RIMBP2: variants seen among roughly 807,000 people sequenced by gnomAD.
RIMBP2 encodes the protein RIMS binding protein 2, also known as RIMS-binding protein 2.
RIMBP2 carries 48 observed loss-of-function variants against 118.6 expected under a neutral mutation model. That is an observed-to-expected ratio of 0.40 (90% CI 0.32 to 0.51). The LOEUF is 0.51. Among genes scored for constraint, RIMBP2 ranks in the 20% least tolerant of loss-of-function variants. The pLI is 0.41. For missense variants in RIMBP2, 1,551 were observed against 1,768.3 expected, an observed-to-expected ratio of 0.88 and a Z score of 2.20; for synonymous variants, 762 against 742.9, an observed-to-expected ratio of 1.03 and a Z score of -0.42.
At chr12:130,568,429 T>C (rs2057389641) in intron 2 of RIMBP2, among the ~76,000 whole-genome samples, 1 of 152,210 alleles carries the variant, frequency 6.6e-6, no homozygotes, top group South Asian at 2.1e-4. Context: ...CTCCTATGCA[T>C]GGACAGAGTT....
chr12:130,666,659 G>GAGAGAAAGAAGAA (rs2063925490), intron 1 of RIMBP2, among the ~76,000 whole-genome samples: 2 of 150,406 alleles, frequency 1.3e-5, no homozygotes, highest in African/African-American at 4.9e-5. Flanking sequence ...GGGAGGGAGG[G>GAGAGAAAGAAGAA]GAGGGATGGA....
chr12:130,404,952 A>AT lies in RIMBP2; in HGVS notation c.3765+1219dup, dbSNP rs1196128156. Reference sequence around the variant, plus strand: ...ATTCATTTTTTATTATTAAAAAATGATTTTTTTAAAGTAGGGAAAGTGCAG... The same window carrying AT: ...ATTCATTTTTTATTATTAAAAAATGATTTTTTTTAAAGTAGGGAAAGTGCAG... On this transcript the variant is annotated intron_variant, in intron 21 of 22. Coordinates refer to ENST00000690449, the MANE Select transcript of RIMBP2 (RefSeq NM_001393629.1). Among the ~76,000 whole-genome samples, 12 of 152,278 alleles carry AT rather than the reference A, an allele frequency of 7.9e-5. No individual in the cohort carries two copies. The East Asian group carries it at 1.4e-3, about 17-fold the overall frequency.
At chr12:130,713,640 C>T (rs1162405792) in intron 1 of RIMBP2, among the ~76,000 whole-genome samples, 3 of 152,208 alleles carry the variant, frequency 2.0e-5, no homozygotes, top group Non-Finnish European at 2.9e-5. Context: ...CAGCACCACG[C>T]GGATTCCAAA....
rs551726470 is a variant in RIMBP2 at position 130,589,493 on chromosome 12, G to A, written c.-217+38829C>T. Among the ~76,000 whole-genome samples, 145 of 152,268 alleles carry A rather than the reference G, an allele frequency of 9.5e-4. 2 individuals carry two copies. The highest frequency in any genetic ancestry group is 1.6e-3 in the Non-Finnish European group (111 of 68,018). ...CTTTGAAATCTTTGCTGGAGGATAG[G>A]GTCAGCCCCAGGACGAGATGAAGGC... On this transcript the variant is annotated intron_variant, in intron 2 of 22. Coordinates refer to ENST00000690449, the MANE Select transcript of RIMBP2 (RefSeq NM_001393629.1).
chr12:130,446,333 G>A lies in RIMBP2; in HGVS notation c.582-1064C>T, dbSNP rs897554782. On this transcript the variant is annotated intron_variant, in intron 9 of 22. Coordinates refer to ENST00000690449, the MANE Select transcript of RIMBP2 (RefSeq NM_001393629.1). This position sits in a 1 kb window ranked among gnomAD's most constrained non-coding sequence, Gnocchi z 4.1. Reference sequence around the variant, plus strand: ...CAACACTTTCATACACGTTTTATTCGATGGCCATTAAATGTTAGGAAAACA... The same window carrying A: ...CAACACTTTCATACACGTTTTATTCAATGGCCATTAAATGTTAGGAAAACA... 2.6e-5 allele frequency among the ~76,000 whole-genome samples: 4 copies of A among 152,140 alleles called. No individual in the cohort carries two copies. Among genetic ancestry groups the A allele is most frequent in the Admixed American group, 2.0e-4 (3 of 15,280 alleles).
chr12:130,668,733 T>C (rs1471053897), intron 1 of RIMBP2, among the ~76,000 whole-genome samples: 4 of 152,200 alleles, frequency 2.6e-5, no homozygotes, highest in Non-Finnish European at 5.9e-5. Flanking sequence ...TCCCCTGCCC[T>C]CAGGGTTAGC....
intron 1 of RIMBP2, among the ~76,000 whole-genome samples, chr12:130,706,716 G>A (rs886800139): frequency 4.6e-5 from 7 of 152,218 alleles, no homozygotes; most frequent in Admixed American, 4.6e-4. Flanking sequence ...GAGCTAGCTG[G>A]TGGGAAGAGT....
intron 7 of RIMBP2, among the ~76,000 whole-genome samples, chr12:130,452,123 T>C (rs2079055331): frequency 6.6e-6 from 1 of 152,188 alleles, no homozygotes; most frequent in Non-Finnish European, 1.5e-5. Flanking sequence ...GTGTGAAACA[T>C]GACGCGGCTG....
At chr12:130,547,664 C>T (rs150902711) in intron 2 of RIMBP2, among the ~76,000 whole-genome samples, 227 of 152,286 alleles carry the variant, frequency 1.5e-3, no homozygotes, top group Middle Eastern at 6.8e-3. Flanking sequence ...ACGTCAGCCC[C>T]GAAATGGGGA....
chr12:130,543,601 C>A (rs56125259), intron 2 of RIMBP2, among the ~76,000 whole-genome samples: 1 of 151,876 alleles, frequency 6.6e-6, no homozygotes, highest in African/African-American at 2.4e-5. Context: ...AGATGCCTCA[C>A]GAGGAATTGG....
At position 130,578,660 on chromosome 12, in the gene RIMBP2, G is replaced by A. The variant is rs1045791178; in HGVS notation, c.-217+49662C>T. ...CATTCCTTGACATTCAGCTCTCAGC[G>A]CAAATGCCCCCTTCTCAGAGACTTC... On this transcript the variant is annotated intron_variant, in intron 2 of 22. Coordinates refer to ENST00000690449, the MANE Select transcript of RIMBP2 (RefSeq NM_001393629.1). This position sits in a 1 kb window ranked among gnomAD's most constrained non-coding sequence, Gnocchi z 4.1. 8.5e-5 allele frequency among the ~76,000 whole-genome samples: 13 copies of A among 152,108 alleles called. No individual in the cohort carries two copies. The highest frequency in any genetic ancestry group is 3.2e-3 in the Middle Eastern group (1 of 316).
chr12:130,407,631 G>A (rs1365920684), intron 20 of RIMBP2, 95 bp downstream of exon 20: 3 of 958,244 alleles, frequency 3.1e-6, no homozygotes, highest in South Asian at 2.6e-5. Context: ...GAGAAGGAAT[G>A]AGGAGGTGAA....
intron 1 of RIMBP2, among the ~76,000 whole-genome samples, chr12:130,653,534 A>G (rs1446842841): frequency 6.6e-6 from 1 of 152,134 alleles, no homozygotes; most frequent in Non-Finnish European, 1.5e-5. Flanking sequence ...TGGATCTACC[A>G]TTCTGGGGCC....
rs180856882 is a variant in RIMBP2 at position 130,635,126 on chromosome 12, C to T, written c.-351-6670G>A. 8.5e-4 allele frequency among the ~76,000 whole-genome samples: 129 copies of T among 152,310 alleles called. 2 individuals are homozygous for T. In the Middle Eastern group the frequency reaches 0.024, roughly 28 times the overall value. ...TCCAGGGTTTCTTGAGAGTTAAGGA[C>T]ATGCCTTTCATCAGATTGCTTTGTT... On this transcript the variant is annotated intron_variant, in intron 1 of 22. Transcript: ENST00000690449.
chr12:130,558,158 A>C (rs906626082), intron 2 of RIMBP2, among the ~76,000 whole-genome samples: 3 of 152,118 alleles, frequency 2.0e-5, no homozygotes, highest in African/African-American at 7.2e-5. Context: ...ACAACAACAA[A>C]ATGCAATGGC....
At position 130,475,619 on chromosome 12, in the gene RIMBP2, G is replaced by A. The variant is rs904139601; in HGVS notation, c.102+3293C>T. ...AAGAGGCCAGGGGCTCCAGGCGGGC[G>A]TCTCCAAGGGGAAAATGGAATCAGA... On this transcript the variant is annotated intron_variant, in intron 5 of 22. Coordinates refer to ENST00000690449, the MANE Select transcript of RIMBP2 (RefSeq NM_001393629.1). This position sits in a 1 kb window ranked among gnomAD's most constrained non-coding sequence, Gnocchi z 4.1. 5.9e-5 allele frequency among the ~76,000 whole-genome samples: 9 copies of A among 152,058 alleles called. No individual in the cohort carries two copies. Among genetic ancestry groups the A allele is most frequent in the African/African-American group, 1.4e-4 (6 of 41,394 alleles).
At chr12:130,490,491 G>A (rs1056453580) in intron 4 of RIMBP2, among the ~76,000 whole-genome samples, 4 of 152,018 alleles carry the variant, frequency 2.6e-5, no homozygotes, top group Admixed American at 6.6e-5. Flanking sequence ...AGACAATCCC[G>A]GGCTGATAGC....
In RIMBP2 at chr12:130,434,701, A is replaced by G; in HGVS notation, c.2253+33T>C. ...GGCCCGCTCCGAGCCCGCGCCCACCAGGAGGATGGTGTGGGGCCCGGCCCG... is the reference window on the plus strand; with the variant it reads ...GGCCCGCTCCGAGCCCGCGCCCACCGGGAGGATGGTGTGGGGCCCGGCCCG... On this transcript the variant is annotated intron_variant, in intron 14 of 22. Coordinates refer to ENST00000690449, the MANE Select transcript of RIMBP2 (RefSeq NM_001393629.1). The surrounding 1 kb of genome is among the most constrained non-coding windows in gnomAD (Gnocchi z 5.7). The G allele has an allele frequency of 6.3e-7, 1 of 1,596,694 alleles. No individual in the cohort carries two copies. The highest frequency in any genetic ancestry group is 2.3e-5 in the East Asian group (1 of 44,414).
intron 4 of RIMBP2, among the ~76,000 whole-genome samples, chr12:130,495,873 T>C (rs1364412151): frequency 6.6e-6 from 1 of 152,208 alleles, no homozygotes; most frequent in Non-Finnish European, 1.5e-5. Flanking sequence ...ATTAGTTAGC[T>C]TGATCACACG....
Sources: allele counts gnomAD v4.1 joint callset (sites outside exome capture counted in the v4.1 genomes callset), GRCh38; gene constraint gnomAD v4.1.1; non-coding constraint Gnocchi (gnomAD v3.1); transcripts MANE v1.5; gene names NCBI Gene and HGNC (gene_info 2026-07-23, HGNC 2026-07-21).